Variants in TMEM8B observed in about 807,000 individuals in gnomAD.
TMEM8B encodes the protein nasopharyngeal carcinoma expressed 6.
Under a neutral mutation model 49.3 loss-of-function variants are expected in TMEM8B, and 29 were observed. The ratio of observed to expected loss-of-function variants is 0.59; its 90% CI spans 0.44 to 0.80. The LOEUF is 0.80. TMEM8B is among the 30% of genes least tolerant of loss of function. The pLI is 0.00. For synonymous variants in TMEM8B, 264 were observed against 272.8 expected, an observed-to-expected ratio of 0.97 and a Z score of 0.32; for missense variants, 575 against 658.5, an observed-to-expected ratio of 0.87 and a Z score of 1.39.
At chr9:35,849,609 A>G (rs1016483892) in intron 10 of TMEM8B, among the ~76,000 whole-genome samples, 19 of 152,224 alleles carry the variant, frequency 1.2e-4, no homozygotes, top group Non-Finnish European at 4.4e-5. Flanking sequence ...GCCTGACTCC[A>G]GATCCCTCAC....
Position 35,853,899 on chromosome 9 carries a change from G to A in TMEM8B, c.*59G>A. The A allele has an allele frequency of 6.7e-7, 1 of 1,485,690 alleles. No individual in the cohort carries two copies. The highest frequency in any genetic ancestry group is 8.9e-7 in the Non-Finnish European group (1 of 1,123,770). The allele number at this position is 1,485,690 out of a possible 1,614,324, so 92.0% of individuals were successfully genotyped here. ...AATGCTTCCTAGAGTTCTTTCTGGG[G>A]GTGTGGAGCCCTCTTAGAAGGAGAC... On this transcript the variant is annotated 3_prime_UTR_variant, in exon 13 of 13. Coordinates refer to ENST00000643932, the MANE Select transcript of TMEM8B (RefSeq NM_001042590.4). The surrounding 1 kb of genome is among the most constrained non-coding windows in gnomAD (Gnocchi z 4.2).
At chr9:35,833,467 C>T (rs1830118861) in intron 1 of TMEM8B, 1 of 544,198 alleles carries the variant, frequency 1.8e-6, no homozygotes, top group Non-Finnish European at 2.3e-6. Flanking sequence ...TGGTTGCCTC[C>T]ACTGTGACAG....
At position 35,854,110 on chromosome 9, in the gene TMEM8B, C is replaced by A; in HGVS notation, c.*270C>A. ...CCTCAGGACCAAGGAGTCCCTCCTGCAGGTGTGGAGCCTTTCCTGGGATGC... is the reference window on the plus strand; with the variant it reads ...CCTCAGGACCAAGGAGTCCCTCCTGAAGGTGTGGAGCCTTTCCTGGGATGC... On this transcript the variant is annotated 3_prime_UTR_variant, in exon 13 of 13. Coordinates refer to ENST00000643932, the MANE Select transcript of TMEM8B (RefSeq NM_001042590.4). 1 of 1,018,250 alleles carries A rather than the reference C, an allele frequency of 9.8e-7. No homozygotes were observed. The highest frequency in any genetic ancestry group is 1.3e-6 in the Non-Finnish European group (1 of 799,806). 63.1% of individuals were successfully genotyped at this position (1,018,250 alleles called of 1,614,324 possible).
At chr9:35,848,329 C>T (rs971749262) in intron 10 of TMEM8B, among the ~76,000 whole-genome samples, 4 of 152,172 alleles carry the variant, frequency 2.6e-5, no homozygotes, top group African/African-American at 9.6e-5. Context: ...CACTGTTTCT[C>T]TTTCGTATTG....
At position 35,853,257 on chromosome 9, in the gene TMEM8B, G is replaced by T; in HGVS notation, c.2439G>T (p.Trp813Cys). 6.2e-7 allele frequency: 1 copy of T among 1,612,276 alleles called. No individual in the cohort carries two copies. The highest frequency in any genetic ancestry group is 8.5e-7 in the Non-Finnish European group (1 of 1,178,448). ...CCCTGGGGATCTTGGCCACAGCCTG[G>T]GTAAGGGTGGGGAGGGATGTGGGGG... ...LFALGILATA[W>C]TVRSVRRRHC... is the part of the protein sequence containing the mutation. The change falls in exon 12 of 13, where the codon TGG becomes TGT. Residue 813 changes from tryptophan (W) to cysteine (C), a missense_variant and splice_region_variant. Coordinates refer to ENST00000643932, the MANE Select transcript of TMEM8B (RefSeq NM_001042590.4). The surrounding 1 kb of genome is among the most constrained non-coding windows in gnomAD (Gnocchi z 4.2).
In TMEM8B at chr9:35,859,791, T is replaced by G. The variant is rs1479214379; in HGVS notation, c.*5951T>G. 1 of 153,838 alleles carries G rather than the reference T, an allele frequency of 6.5e-6. No homozygotes were observed. Among genetic ancestry groups the G allele is most frequent in the African/African-American group, 2.4e-5 (1 of 41,362 alleles). 9.5% of individuals were successfully genotyped at this position (153,838 alleles called of 1,614,324 possible). ...GCCGCAGATGTCCATGAGGGAGAGG[T>G]TGCTGAGAAGTACATGGGGTTGTGC... On this transcript the variant is annotated 3_prime_UTR_variant, in exon 13 of 13. Coordinates refer to ENST00000643932, the MANE Select transcript of TMEM8B (RefSeq NM_001042590.4).
At position 35,841,598 on chromosome 9, in the gene TMEM8B, C is replaced by T. The variant is rs951868881; in HGVS notation, c.1113C>T (p.Ala371=). 5.8e-5 allele frequency: 24 copies of T among 416,538 alleles called. No homozygotes were observed. The highest frequency in any genetic ancestry group is 4.1e-4 in the African/African-American group (20 of 48,690). The allele number at this position is 416,538 out of a possible 1,614,324, so 25.8% of individuals were successfully genotyped here. A position where few individuals can be genotyped will look rare whatever the true frequency, so the allele number is the denominator to read the frequency against. The change falls in exon 5 of 13, where the codon GCC becomes GCT. Residue 371 remains alanine, a synonymous_variant. Transcript: ENST00000643932. This position sits in a 1 kb window ranked among gnomAD's most constrained non-coding sequence, Gnocchi z 5.9. ...LVCVGGRGVS[A]CPLSLRLRPK... is the part of the protein sequence containing the mutation. ...GTGTGGGGGGCCGTGGGGTATCTGC[C>T]TGCCCCCTGTCACTGCGTCTGCGTC...
At position 35,842,652 on chromosome 9, in the gene TMEM8B, G is replaced by A. The variant is rs778446612; in HGVS notation, c.1570G>A (p.Ala524Thr). ...TCCCCCTGAGCGCCCAGCCGTGTTC[G>A]CCATGAGGCTGTTGCCAGTGCTGGA... ...ALPPERPAVF[A>T]MRLLPVLDSG... The change falls in exon 6 of 13, where the codon GCC (alanine) becomes ACC (threonine). Residue 524 changes from alanine to threonine, a missense_variant. Transcript: ENST00000643932. This position sits in a 1 kb window ranked among gnomAD's most constrained non-coding sequence, Gnocchi z 5.6. The A allele has an allele frequency of 8.1e-6, 13 of 1,613,978 alleles. No individual in the cohort carries two copies. The highest frequency in any genetic ancestry group is 2.7e-5 in the African/African-American group (2 of 74,930).
chr9:35,843,583 G>GC, intron 6 of TMEM8B, among the ~76,000 whole-genome samples: 1 of 152,192 alleles, frequency 6.6e-6, no homozygotes, highest in Non-Finnish European at 1.5e-5. Flanking sequence ...TTTTTCAGCA[G>GC]CTGCATTACA....
In TMEM8B at chr9:35,857,927, G is replaced by A. The variant is rs1482602320; in HGVS notation, c.*4087G>A. Reference sequence around the variant, plus strand: ...CTTATGCCTTCAATCTCAGTGACTGGTGACCTGCAGGAGAAGCTGTCACCT... The same window carrying A: ...CTTATGCCTTCAATCTCAGTGACTGATGACCTGCAGGAGAAGCTGTCACCT... On this transcript the variant is annotated 3_prime_UTR_variant, in exon 13 of 13. Coordinates refer to ENST00000643932, the MANE Select transcript of TMEM8B (RefSeq NM_001042590.4). 4 of 152,214 alleles carry A rather than the reference G, an allele frequency of 2.6e-5. No individual in the cohort carries two copies. The highest frequency in any genetic ancestry group is 5.9e-5 in the Non-Finnish European group (4 of 68,118). The allele number at this position is 152,214 out of a possible 1,614,324, so 9.4% of individuals were successfully genotyped here.
Position 35,853,753 on chromosome 9 carries a change from T to C in TMEM8B, c.2688T>C (p.Cys896=). The C allele has an allele frequency of 6.2e-7, 1 of 1,611,608 alleles. No homozygotes were observed. The highest frequency in any genetic ancestry group is 8.5e-7 in the Non-Finnish European group (1 of 1,178,470). Residue 896 remains cysteine, a synonymous_variant, in exon 13 of 13, where the codon TGT becomes TGC. Coordinates refer to ENST00000643932, the MANE Select transcript of TMEM8B (RefSeq NM_001042590.4). The surrounding 1 kb of genome is among the most constrained non-coding windows in gnomAD (Gnocchi z 4.2). ...GVPSGARARG[C]GYQLCINEQE... is the part of the protein sequence containing the mutation. Reference sequence around the variant, plus strand: ...CATCTGGAGCCCGGGCCCGGGGCTGTGGTTACCAGCTATGCATCAACGAGC... The same window carrying C: ...CATCTGGAGCCCGGGCCCGGGGCTGCGGTTACCAGCTATGCATCAACGAGC...
chr9:35,838,357 T>C (rs1830643484), intron 3 of TMEM8B, among the ~76,000 whole-genome samples: 1 of 152,078 alleles, frequency 6.6e-6, no homozygotes, highest in African/African-American at 2.4e-5. Flanking sequence ...TCTTGGCCTC[T>C]GTGACTTTAC....
rs562587412 is a variant in TMEM8B, at chr9:35,841,621, G to A, written c.1136G>A (p.Arg379His). ...GCCTGCCCCCTGTCACTGCGTCTGC[G>A]TCCCAAAGCCCCACCCCTGCACAAC... is the stretch of plus-strand genomic sequence containing the variant. ...VSACPLSLRL[R>H]PKAPPLHNSS... Residue 379 changes from arginine (R) to histidine (H), a missense_variant, in exon 5 of 13, where the codon CGT becomes CAT. Coordinates refer to ENST00000643932, the MANE Select transcript of TMEM8B (RefSeq NM_001042590.4). This position sits in a 1 kb window ranked among gnomAD's most constrained non-coding sequence, Gnocchi z 5.9. The A allele has an allele frequency of 7.2e-5, 30 of 416,236 alleles. 1 individual carries two copies. Among genetic ancestry groups the A allele is most frequent in the South Asian group, 5.0e-4 (4 of 8,016 alleles). 25.8% of individuals were successfully genotyped at this position (416,236 alleles called of 1,614,324 possible). A position where few individuals can be genotyped will look rare whatever the true frequency, so the allele number is the denominator to read the frequency against.
At position 35,854,227 on chromosome 9, in the gene TMEM8B, G is replaced by A. The variant is rs1040090049; in HGVS notation, c.*387G>A. 4.9e-6 allele frequency: 1 copy of A among 204,658 alleles called. No homozygotes were observed. The highest frequency in any genetic ancestry group is 9.1e-6 in the Non-Finnish European group (1 of 109,444). The allele number at this position is 204,658 out of a possible 1,614,324, so 12.7% of individuals were successfully genotyped here. A position where few individuals can be genotyped will look rare whatever the true frequency, so the allele number is the denominator to read the frequency against. ...CCAGAGGAGGTGGAGTCTATCTTGGGGAAACCAAATTTCCAGATTTTCCCA... is the reference window on the plus strand; with the variant it reads ...CCAGAGGAGGTGGAGTCTATCTTGGAGAAACCAAATTTCCAGATTTTCCCA... On this transcript the variant is annotated 3_prime_UTR_variant, in exon 13 of 13. Transcript: ENST00000643932.
Position 35,853,380 on chromosome 9 carries a change from C to T in TMEM8B, c.2439+123C>T. On this transcript the variant is annotated intron_variant, in intron 12 of 12. Transcript: ENST00000643932. This position sits in a 1 kb window ranked among gnomAD's most constrained non-coding sequence, Gnocchi z 4.2. ...CGTCATCACCTGCTGCTGGCAGTGT[C>T]CGCTCCAGTCTTGGCAGGTGTCTTT... is the stretch of plus-strand genomic sequence containing the variant. 1 of 1,453,038 alleles carries T rather than the reference C, an allele frequency of 6.9e-7. No individual in the cohort carries two copies. 90.0% of individuals were successfully genotyped at this position (1,453,038 alleles called of 1,614,324 possible).
chr9:35,846,350 G>A lies in TMEM8B; in HGVS notation c.1822G>A (p.Ala608Thr), dbSNP rs753656505. The change falls in exon 8 of 13, where the codon GCC (alanine) becomes ACC (threonine). Residue 608 changes from alanine (A) to threonine (T), a missense_variant. Transcript: ENST00000643932. ...CCCGCAGACGGGGACCTGGTTCCTGGCCCTCCGCTCCCTGTGCGGGGTGGG... is the reference window on the plus strand; with the variant it reads ...CCCGCAGACGGGGACCTGGTTCCTGACCCTCCGCTCCCTGTGCGGGGTGGG... ...PFPQTGTWFL[A>T]LRSLCGVGPR... 6.2e-7 allele frequency: 1 copy of A among 1,613,944 alleles called. No homozygotes were observed.
At position 35,829,252 on chromosome 9, in the gene TMEM8B, C is replaced by A. The variant is rs1028103181; in HGVS notation, c.-196C>A. The A allele has an allele frequency of 1.1e-5, 4 of 351,654 alleles. No homozygotes were observed. The highest frequency in any genetic ancestry group is 1.5e-5 in the Non-Finnish European group (3 of 195,088). 21.8% of individuals were successfully genotyped at this position (351,654 alleles called of 1,614,324 possible). ...CACGCCGACGTCAAGTCGAGGCCGC[C>A]GCCGCGGGGCCTGGTTATCGCCGGT... On this transcript the variant is annotated 5_prime_UTR_variant, in exon 1 of 13. Transcript: ENST00000643932.
In TMEM8B at chr9:35,834,031, T is replaced by TATACAC. The variant is rs1554679975; in HGVS notation, c.509-429_509-428insTACACA. Among the ~76,000 whole-genome samples the TATACAC allele has an allele frequency of 2.9e-3, 398 of 138,410 alleles. 2 individuals carry two copies. The highest frequency in any genetic ancestry group is 0.01 in the African/African-American group (381 of 37,162). The allele number at this position is 138,410 out of a possible 152,430, so 90.8% of individuals were successfully genotyped here. A position where few individuals can be genotyped will look rare whatever the true frequency, so the allele number is the denominator to read the frequency against. On this transcript the variant is annotated intron_variant, in intron 1 of 12. Transcript: ENST00000643932. The stretch of plus-strand genomic sequence containing the variant: ...AGTGGCTTAAGACGCCATGCCAAAA[T>TATACAC]ACACACACACACACACACACACACA...
In TMEM8B at chr9:35,853,696, G is replaced by A. The variant is rs1222343430; in HGVS notation, c.2631G>A (p.Leu877=). 11 of 1,614,154 alleles carry A rather than the reference G, an allele frequency of 6.8e-6. No individual in the cohort carries two copies. Among genetic ancestry groups the A allele is most frequent in the Non-Finnish European group, 9.3e-6 (11 of 1,180,020 alleles). ...TTGCGGGCAGTGTGGGCTTCCTGCT[G>A]CCCCCTCGTGCCAAGACTGACCACG... ...MLIAGSVGFL[L]PPRAKTDHGV... Residue 877 remains leucine, a synonymous_variant, in exon 13 of 13, where the codon CTG becomes CTA. Coordinates refer to ENST00000643932, the MANE Select transcript of TMEM8B (RefSeq NM_001042590.4). This position sits in a 1 kb window ranked among gnomAD's most constrained non-coding sequence, Gnocchi z 4.2.
Sources: allele counts gnomAD v4.1 joint callset (sites outside exome capture counted in the v4.1 genomes callset), GRCh38; gene constraint gnomAD v4.1.1; non-coding constraint Gnocchi (gnomAD v3.1); transcripts MANE v1.5; gene names NCBI Gene and HGNC (gene_info 2026-07-23, HGNC 2026-07-21).